The following CDH11 variants were observed in gnomAD, a reference collection of about 807,000 sequenced individuals.
CDH11 encodes the protein cadherin 11, also known as cadherin-11.
CDH11 carries 11 observed loss-of-function variants against 67.8 expected under a neutral mutation model. The ratio of observed to expected loss-of-function variants is 0.16; its 90% CI spans 0.10 to 0.27. The LOEUF (loss-of-function observed/expected upper bound fraction) is 0.27. Ranked by LOEUF, CDH11 falls within the 10% of genes least tolerant of loss-of-function variation. The pLI is 1.00. For missense variants in CDH11, 847 were observed against 1,031.2 expected, an observed-to-expected ratio of 0.82 and a Z score of 2.45; for synonymous variants, 419 against 400.0, an observed-to-expected ratio of 1.05 and a Z score of -0.57.
intron 8 of CDH11, 72 bp from the exon 9 acceptor site, chr16:64,973,112 T>C (rs2072059913): frequency 1.4e-5 from 19 of 1,401,030 alleles, no homozygotes; most frequent in South Asian, 1.0e-4. Flanking sequence ...ATTTTCTCCA[T>C]GCTATATTTA....
At chr16:64,994,629 A>G (rs958582292) in intron 4 of CDH11, among the ~76,000 whole-genome samples, 2 of 152,152 alleles carry the variant, frequency 1.3e-5, no homozygotes, top group African/African-American at 4.8e-5. Context: ...AGCTGGAAGC[A>G]TTCTCCTTCA....
rs1229573322 is a variant in CDH11, at chr16:64,992,046, C to G, written c.644-111G>C. 4 of 684,416 alleles carry G rather than the reference C, an allele frequency of 5.8e-6. No individual in the cohort carries two copies. The Admixed American group carries it at 8.3e-5, about 14-fold the overall frequency. The allele number at this position is 684,416 out of a possible 1,614,324, so 42.4% of individuals were successfully genotyped here. ...TGAATAAAATATCCCATGCCCTCAG[C>G]AAGAATCATTTCAACATGGTAATTA... On this transcript the variant is annotated intron_variant, in intron 5 of 12. Coordinates refer to ENST00000268603, the MANE Select transcript of CDH11 (RefSeq NM_001797.4).
At chr16:65,026,025 T>C (rs1285772039) in intron 2 of CDH11, among the ~76,000 whole-genome samples, 1 of 152,110 alleles carries the variant, frequency 6.6e-6, no homozygotes. Flanking sequence ...AATGGAGCAA[T>C]CATGGGGTGA....
chr16:65,039,272 A>G (rs2073816117), intron 2 of CDH11, among the ~76,000 whole-genome samples: 1 of 152,184 alleles, frequency 6.6e-6, no homozygotes, highest in Admixed American at 6.5e-5. Context: ...AAGCCAAAAG[A>G]ACAAAGCTTG....
At chr16:65,117,327 T>G (rs2075260014) in intron 1 of CDH11, among the ~76,000 whole-genome samples, 1 of 152,220 alleles carries the variant, frequency 6.6e-6, no homozygotes, top group African/African-American at 2.4e-5. Context: ...AAACAGTACT[T>G]ATTTCTTTAA....
At chr16:65,122,896 G>A (rs547128594), upstream of CDH11, among the ~76,000 whole-genome samples, 1 of 152,204 alleles carries the variant, frequency 6.6e-6, no homozygotes, top group Non-Finnish European at 1.5e-5. Context: ...GGCCCCCGCC[G>A]GTAGTGTCAC....
chr16:64,962,573 C>T (rs146013623), intron 11 of CDH11, among the ~76,000 whole-genome samples: 18 of 152,186 alleles, frequency 1.2e-4, no homozygotes, highest in African/African-American at 3.9e-4. Context: ...TCCCGTGACC[C>T]CCTACCACAC....
intron 8 of CDH11, 48 bp from the exon 9 acceptor site, chr16:64,973,088 C>T (rs1456757005): frequency 6.4e-7 from 1 of 1,567,124 alleles, no homozygotes; most frequent in South Asian, 1.2e-5. Flanking sequence ...TTCAGAGCAG[C>T]TTAATATTTG....
chr16:64,995,614 A>G (rs2072743907), intron 4 of CDH11, among the ~76,000 whole-genome samples: 1 of 152,226 alleles, frequency 6.6e-6, no homozygotes, highest in African/African-American at 2.4e-5. Flanking sequence ...AAAGATTTAA[A>G]TGTAAGACCT....
At chr16:65,011,073 T>C (rs2073172444) in intron 2 of CDH11, among the ~76,000 whole-genome samples, 1 of 126,738 alleles carries the variant, frequency 7.9e-6, no homozygotes, top group Non-Finnish European at 1.7e-5. Context: ...TGTGTATATA[T>C]GTATATATAC....
chr16:65,005,571 G>A (rs1402330972), intron 2 of CDH11, among the ~76,000 whole-genome samples: 1 of 152,150 alleles, frequency 6.6e-6, no homozygotes, highest in Non-Finnish European at 1.5e-5. Context: ...GAAGAAGGCG[G>A]GCAGGCAATG....
At chr16:65,093,502 C>G (rs939116109) in intron 1 of CDH11, among the ~76,000 whole-genome samples, 21 of 152,128 alleles carry the variant, frequency 1.4e-4, no homozygotes, top group African/African-American at 3.6e-4. Context: ...TGGTACACTT[C>G]CCAAAACCCA....
At chr16:65,053,159 C>T (rs1234180372) in intron 2 of CDH11, among the ~76,000 whole-genome samples, 2 of 152,140 alleles carry the variant, frequency 1.3e-5, no homozygotes, top group South Asian at 2.1e-4. Flanking sequence ...TTAGTTGTCT[C>T]CTGTGAATAT....
intron 1 of CDH11, among the ~76,000 whole-genome samples, chr16:65,113,383 C>A (rs941324632): frequency 9.9e-5 from 15 of 151,986 alleles, no homozygotes; most frequent in Admixed American, 9.8e-4. Context: ...CCCTAAATTA[C>A]CGTGGGATCT....
chr16:65,088,426 C>T (rs1044648471), intron 1 of CDH11, among the ~76,000 whole-genome samples: 1 of 152,152 alleles, frequency 6.6e-6, no homozygotes, highest in African/African-American at 2.4e-5. Context: ...ATAATTTTAA[C>T]CATGCTTATT....
intron 1 of CDH11, among the ~76,000 whole-genome samples, chr16:65,100,686 T>C (rs1387429543): frequency 6.8e-6 from 1 of 146,020 alleles, no homozygotes; most frequent in African/African-American, 2.5e-5. Flanking sequence ...TACAGTGAGC[T>C]GAGATCGCGC....
chr16:65,011,530 T>C (rs2073185784), intron 2 of CDH11, among the ~76,000 whole-genome samples: 1 of 152,190 alleles, frequency 6.6e-6, no homozygotes, highest in Non-Finnish European at 1.5e-5. Context: ...AGTCATTCAG[T>C]GATTATTTAT....
intron 4 of CDH11, among the ~76,000 whole-genome samples, chr16:64,997,752 G>A (rs756680027): frequency 7.9e-5 from 12 of 152,114 alleles, no homozygotes; most frequent in East Asian, 1.9e-4. Flanking sequence ...GGATCTTAGC[G>A]TTCTAGAGTC....
chr16:65,092,520 C>G (rs1312203109), intron 1 of CDH11, among the ~76,000 whole-genome samples: 6 of 152,164 alleles, frequency 3.9e-5, no homozygotes, highest in South Asian at 4.1e-4. Flanking sequence ...CACTTGCACA[C>G]CAAGCTTAAT....
Sources: allele counts gnomAD v4.1 joint callset (sites outside exome capture counted in the v4.1 genomes callset), GRCh38; gene constraint gnomAD v4.1.1; transcripts MANE v1.5; gene names NCBI Gene and HGNC (gene_info 2026-07-23, HGNC 2026-07-21).